ZNF451: variants seen among roughly 807,000 people sequenced by gnomAD.
The protein encoded by ZNF451 is zinc finger protein 451, also known as E3 SUMO-protein ligase ZNF451.
A neutral mutation model predicts 107.1 loss-of-function variants in ZNF451; 80 were observed. The observed-to-expected ratio is 0.75, with a 90% confidence interval of 0.62 to 0.90. ZNF451 has a LOEUF of 0.90. ZNF451 is among the 40% of genes least tolerant of loss of function. ZNF451 has a pLI of 0.00. For synonymous variants in ZNF451, 362 were observed against 406.5 expected, an observed-to-expected ratio of 0.89 and a Z score of 1.32; for missense variants, 1,107 against 1,236.2, an observed-to-expected ratio of 0.90 and a Z score of 1.57.
chr6:57,123,641 T>G (rs1562605401), intron 3 of ZNF451, among the ~76,000 whole-genome samples: 1 of 151,796 alleles, frequency 6.6e-6, no homozygotes, highest in Non-Finnish European at 1.5e-5. Flanking sequence ...TAACAAACCC[T>G]CACATGTACC....
intron 5 of ZNF451, among the ~76,000 whole-genome samples, chr6:57,130,229 TCTGA>T (rs1395715819): frequency 6.6e-6 from 1 of 152,144 alleles, no homozygotes; most frequent in Non-Finnish European, 1.5e-5. Flanking sequence ...GGGCTCCAAA[TCTGA>T]CTGTTATTAA....
At chr6:57,134,609 A>T in intron 6 of ZNF451, 135 bp from the exon 7 acceptor site, 1 of 665,306 alleles carries the variant, frequency 1.5e-6, no homozygotes, top group South Asian at 2.5e-5. Context: ...GAAGAACATT[A>T]CTTAATATTT....
intron 3 of ZNF451, among the ~76,000 whole-genome samples, chr6:57,123,741 T>G (rs906948583): frequency 2.6e-5 from 4 of 152,238 alleles, no homozygotes; most frequent in African/African-American, 9.6e-5. Flanking sequence ...TGTACACATT[T>G]TGTTATATTT....
At chr6:57,105,124 C>T (rs1003302735) in intron 3 of ZNF451, 20 of 985,258 alleles carry the variant, frequency 2.0e-5, no homozygotes, top group Non-Finnish European at 2.4e-5. Context: ...AATAAATCCT[C>T]ATATTATGCC....
In ZNF451 at chr6:57,132,522, C is replaced by T. The variant is rs551482306; in HGVS notation, c.425-520C>T. ...ATCACTTCAGGCCAGGAGTTTGAGA[C>T]CAGCCTGGGCAACATTGAGAGACCC... is the stretch of plus-strand genomic sequence containing the variant. On this transcript the variant is annotated intron_variant, in intron 5 of 14. Transcript: ENST00000370706. Among the ~76,000 whole-genome samples the T allele has an allele frequency of 1.1e-3, 169 of 152,248 alleles. 1 individual carries two copies. Among genetic ancestry groups the T allele is most frequent in the Non-Finnish European group, 2.2e-3 (150 of 68,018 alleles).
intron 3 of ZNF451, chr6:57,101,549 T>G (rs1562589593): frequency 6.4e-7 from 1 of 1,550,946 alleles, no homozygotes; most frequent in Non-Finnish European, 8.7e-7. Flanking sequence ...GGTTGTAGGT[T>G]TTACCACGCT....
chr6:57,127,291 G>T (rs993387569), intron 4 of ZNF451, among the ~76,000 whole-genome samples: 1 of 152,070 alleles, frequency 6.6e-6, no homozygotes, highest in Non-Finnish European at 1.5e-5. Context: ...TGAAAGTAAC[G>T]TTTTAAATTT....
intron 3 of ZNF451, chr6:57,102,503 TA>T (rs1829655716): frequency 1.2e-5 from 12 of 992,358 alleles, no homozygotes; most frequent in African/African-American, 1.7e-5. Flanking sequence ...GTCTGTTTAC[TA>T]AGACCAGAGG....
At position 57,090,215 on chromosome 6, in the gene ZNF451, A is replaced by G; in HGVS notation, c.-39A>G. 1.2e-6 allele frequency: 2 copies of G among 1,602,938 alleles called. No individual in the cohort carries two copies. Among genetic ancestry groups the G allele is most frequent in the Non-Finnish European group, 8.5e-7 (1 of 1,175,560 alleles). On this transcript the variant is annotated 5_prime_UTR_variant, in exon 1 of 15. Coordinates refer to ENST00000370706, the MANE Select transcript of ZNF451 (RefSeq NM_001031623.3). Reference sequence around the variant, plus strand: ...TCGTGGCGACGGCGGCGGCAGGGACAGCAGGAGCAGTGGTGCTGTCAGCGC... The same window carrying G: ...TCGTGGCGACGGCGGCGGCAGGGACGGCAGGAGCAGTGGTGCTGTCAGCGC...
At chr6:57,123,280 A>T (rs1830731699) in intron 3 of ZNF451, among the ~76,000 whole-genome samples, 1 of 152,234 alleles carries the variant, frequency 6.6e-6, no homozygotes, top group Admixed American at 6.5e-5. Context: ...AGTGGATTGG[A>T]TAAAGAAAAT....
intron 4 of ZNF451, among the ~76,000 whole-genome samples, chr6:57,125,838 T>TACAC (rs148882080): frequency 6.6e-6 from 1 of 151,940 alleles, no homozygotes; most frequent in Non-Finnish European, 1.5e-5. Flanking sequence ...ATTGCATATA[T>TACAC]ACACACACAC....
intron 3 of ZNF451, 143 bp from the exon 4 acceptor site, chr6:57,124,591 C>A: frequency 1.4e-6 from 1 of 713,962 alleles, no homozygotes; most frequent in Non-Finnish European, 2.5e-6. Flanking sequence ...CTACAAAATA[C>A]CACATAAAAC....
At chr6:57,107,026 T>C (rs1829894022) in intron 3 of ZNF451, 1 of 955,558 alleles carries the variant, frequency 1.0e-6, no homozygotes, top group African/African-American at 1.8e-5. Context: ...TTTTTACTTC[T>C]TTGTCTTTTC....
At chr6:57,154,072 A>G in intron 13 of ZNF451, 25 bp downstream of exon 13, 1 of 1,613,280 alleles carries the variant, frequency 6.2e-7, no homozygotes, top group Non-Finnish European at 8.5e-7. Context: ...TCACAGTGCA[A>G]ACCACCCAAG....
chr6:57,101,064 C>T (rs1276825555), intron 3 of ZNF451: 4 of 1,550,774 alleles, frequency 2.6e-6, no homozygotes, highest in Middle Eastern at 1.7e-4. Flanking sequence ...GTGAGAACTC[C>T]TCAGTTCCTT....
At chr6:57,124,260 T>C (rs1016269409) in intron 3 of ZNF451, among the ~76,000 whole-genome samples, 1 of 152,196 alleles carries the variant, frequency 6.6e-6, no homozygotes, top group African/African-American at 2.4e-5. Flanking sequence ...TATAGGATCA[T>C]GTGTGAGGGC....
chr6:57,102,647 CA>C (rs1829662216), intron 3 of ZNF451: 3 of 985,578 alleles, frequency 3.0e-6, no homozygotes, highest in South Asian at 9.4e-5. Flanking sequence ...GTACTACTAT[CA>C]AGCTCTGTGA....
intron 3 of ZNF451, chr6:57,101,712 T>G: frequency 6.4e-7 from 1 of 1,550,642 alleles, no homozygotes; most frequent in Non-Finnish European, 8.7e-7. Flanking sequence ...ATGCAGGCCT[T>G]TGGCAACTTT....
intron 6 of ZNF451, 91 bp downstream of exon 6, chr6:57,133,283 T>G (rs982266347): frequency 8.0e-7 from 1 of 1,254,620 alleles, no homozygotes; most frequent in African/African-American, 1.5e-5. Context: ...CCTTTGCCAT[T>G]ATGATTATAT....
Sources: allele counts gnomAD v4.1 joint callset (sites outside exome capture counted in the v4.1 genomes callset), GRCh38; gene constraint gnomAD v4.1.1; transcripts MANE v1.5; gene names NCBI Gene and HGNC (gene_info 2026-07-23, HGNC 2026-07-21).